The following USP34 variants were observed in gnomAD, a reference collection of about 807,000 sequenced individuals.
The protein encoded by USP34 is ubiquitin specific peptidase 34.
Under a neutral mutation model 460.3 loss-of-function variants are expected in USP34, and 70 were observed. The ratio of observed to expected loss-of-function variants is 0.15; its 90% CI spans 0.13 to 0.19. The LOEUF is 0.19. Among genes scored for constraint, USP34 ranks in the 10% least tolerant of loss-of-function variants. USP34 has a pLI of 1.00. For missense variants in USP34, 3,985 were observed against 4,236.2 expected, an observed-to-expected ratio of 0.94 and a Z score of 1.65; for synonymous variants, 1,647 against 1,405.3, an observed-to-expected ratio of 1.17 and a Z score of -3.85.
intron 16 of USP34, among the ~76,000 whole-genome samples, chr2:61,342,324 G>A (rs1222778028): frequency 7.3e-5 from 8 of 109,696 alleles, no homozygotes; most frequent in South Asian, 3.4e-4. Flanking sequence ...TTTTTAAGAC[G>A]GAGTCTCACT....
chr2:61,289,877 T>C (rs1180167998), intron 33 of USP34, among the ~76,000 whole-genome samples: 2 of 152,134 alleles, frequency 1.3e-5, no homozygotes, highest in African/African-American at 4.8e-5. Context: ...GTACAAATAT[T>C]TGTAGACTGG....
intron 8 of USP34, among the ~76,000 whole-genome samples, chr2:61,376,418 A>G (rs944902410): frequency 1.3e-5 from 2 of 152,148 alleles, no homozygotes; most frequent in Non-Finnish European, 2.9e-5. Flanking sequence ...TGCATTTGTT[A>G]TTGGAATTCC....
At chr2:61,238,033 T>C (rs896181175) in intron 53 of USP34, among the ~76,000 whole-genome samples, 1 of 151,812 alleles carries the variant, frequency 6.6e-6, no homozygotes, top group Non-Finnish European at 1.5e-5. Flanking sequence ...GTAGCTGGGA[T>C]TACAGGTGCC....
At chr2:61,388,720 C>A (rs1034346100) in intron 5 of USP34, among the ~76,000 whole-genome samples, 1 of 151,806 alleles carries the variant, frequency 6.6e-6, no homozygotes, top group African/African-American at 2.4e-5. Context: ...CACGCCACTG[C>A]ACTCCAGCCT....
At chr2:61,339,061 C>T (rs1691511182) in intron 18 of USP34, among the ~76,000 whole-genome samples, 1 of 152,152 alleles carries the variant, frequency 6.6e-6, no homozygotes, top group South Asian at 2.1e-4. Context: ...ACAGAGTAAT[C>T]ACCAAGGTGT....
At position 61,405,836 on chromosome 2, in the gene USP34, T is replaced by C. The variant is rs755546866; in HGVS notation, c.424A>G (p.Ser142Gly). The part of the protein sequence containing the change: ...CNLTEEESSK[S>G]SDPFSLWSTD... ...CTCCATAAACTAAAAGGATCAGAAC[T>C]CTTTGAAGATTCCTCCTCAGTCAGA... Residue 142 changes from serine to glycine, a missense_variant, in exon 3 of 80, where the codon AGT becomes GGT. This residue lies in a region of USP34 where 331 missense variants were observed against 293.7 expected (regional missense o/e 1.13). Transcript: ENST00000398571. The C allele has an allele frequency of 3.1e-6, 5 of 1,613,866 alleles. No homozygotes were observed. Among genetic ancestry groups the C allele is most frequent in the Non-Finnish European group, 4.2e-6 (5 of 1,179,938 alleles).
rs113451756 is a variant in USP34 at position 61,194,937 on chromosome 2, G to A, written c.9509-1957C>T. ...CATTGCACTCCAGCCTGGACAACAA[G>A]AGTGAAACTCTGTCAAAAAAAAAAA... On this transcript the variant is annotated intron_variant, in intron 75 of 79. Transcript: ENST00000398571. Among the ~76,000 whole-genome samples the A allele has an allele frequency of 1.2e-3, 165 of 137,732 alleles. 2 individuals carry two copies. Among genetic ancestry groups the A allele is most frequent in the African/African-American group, 4.4e-3 (157 of 36,058 alleles). 90.4% of individuals were successfully genotyped at this position (137,732 alleles called of 152,430 possible).
At chr2:61,268,090 C>CTACTCATA in intron 41 of USP34, among the ~76,000 whole-genome samples, 1 of 152,054 alleles carries the variant, frequency 6.6e-6, no homozygotes, top group Non-Finnish European at 1.5e-5. Flanking sequence ...CAGAAAGAAC[C>CTACTCATA]TACTCATATA....
intron 16 of USP34, among the ~76,000 whole-genome samples, chr2:61,341,198 A>T (rs1263152928): frequency 1.3e-5 from 2 of 152,190 alleles, no homozygotes; most frequent in African/African-American, 2.4e-5. Flanking sequence ...GATGAGCAAA[A>T]TTCCACTATG....
intron 42 of USP34, 74 bp from the exon 43 acceptor site, chr2:61,265,631 C>A: frequency 7.0e-7 from 1 of 1,422,668 alleles, no homozygotes; most frequent in South Asian, 1.6e-5. Context: ...CTTACATTAA[C>A]AGCCTCTACC....
rs1430091863 is a variant in USP34, at chr2:61,368,441, A to G, written c.1251+1880T>C. 3.3e-5 allele frequency among the ~76,000 whole-genome samples: 5 copies of G among 152,154 alleles called. No homozygotes were observed. The East Asian group carries it at 5.8e-4, about 18-fold the overall frequency. On this transcript the variant is annotated intron_variant, in intron 10 of 79. Coordinates refer to ENST00000398571, the MANE Select transcript of USP34 (RefSeq NM_014709.4). ...AGCAAGACTCCATCTCAAAAAAAAA[A>G]AAGAAGAATGGGCATGTCTGTGTAG...
chr2:61,383,707 G>A (rs942515225), intron 5 of USP34, among the ~76,000 whole-genome samples: 3 of 152,134 alleles, frequency 2.0e-5, no homozygotes, highest in Admixed American at 1.3e-4. Flanking sequence ...GCAACGGAGC[G>A]AGACTCCGTC....
intron 38 of USP34, among the ~76,000 whole-genome samples, chr2:61,280,714 A>T (rs1018882276): frequency 2.0e-5 from 3 of 152,158 alleles, no homozygotes; most frequent in Non-Finnish European, 4.4e-5. Flanking sequence ...CTAGGGTAGG[A>T]AATAAAATTT....
intron 2 of USP34, among the ~76,000 whole-genome samples, chr2:61,415,507 C>A (rs984111494): frequency 1.3e-5 from 2 of 152,098 alleles, no homozygotes; most frequent in Non-Finnish European, 2.9e-5. Flanking sequence ...AGAATGAAAT[C>A]CTTATATATC....
chr2:61,187,677 G>A lies in USP34; in HGVS notation c.*425C>T. The A allele has an allele frequency of 1.8e-6, 1 of 543,274 alleles. No individual in the cohort carries two copies. The highest frequency in any genetic ancestry group is 2.4e-6 in the Non-Finnish European group (1 of 423,438). 33.7% of individuals were successfully genotyped at this position (543,274 alleles called of 1,614,324 possible). The stretch of plus-strand genomic sequence containing the variant: ...TTTCTTGTGGTTGTTCCGTATACAA[G>A]TAAACTTAATTTTGATAATAAGAAC... On this transcript the variant is annotated 3_prime_UTR_variant, in exon 80 of 80. Coordinates refer to ENST00000398571, the MANE Select transcript of USP34 (RefSeq NM_014709.4).
In USP34 at chr2:61,189,087, G is replaced by A. The variant is rs755606236; in HGVS notation, c.9874-18C>T. The A allele has an allele frequency of 5.0e-6, 8 of 1,598,690 alleles. No individual in the cohort carries two copies. The highest frequency in any genetic ancestry group is 4.5e-5 in the South Asian group (4 of 88,018). Reference sequence around the variant, plus strand: ...CTCAGGTCCTACAAAAACCCAGATAGGAACATTTCAAATTCTAAAGCCAAC... The same window carrying A: ...CTCAGGTCCTACAAAAACCCAGATAAGAACATTTCAAATTCTAAAGCCAAC... On this transcript the variant is annotated intron_variant, in intron 78 of 79. Transcript: ENST00000398571.
intron 67 of USP34, 100 bp downstream of exon 67, chr2:61,220,210 G>T: frequency 1.7e-5 from 8 of 482,846 alleles, no homozygotes; most frequent in Non-Finnish European, 2.6e-5. Context: ...GAATTTCGTA[G>T]TATACAACAA....
At chr2:61,447,254 CAAAAAAAAAAAA>C (rs763711140) in intron 1 of USP34, among the ~76,000 whole-genome samples, 1,325 of 59,766 alleles carry the variant, frequency 0.022, 27 homozygotes, top group African/African-American at 0.071. Context: ...AACTGTCTTC[CAAAAAAAAAAAA>C]AAAAAAAAAA....
intron 1 of USP34, among the ~76,000 whole-genome samples, chr2:61,467,548 G>A (rs1038221902): frequency 6.6e-6 from 1 of 151,304 alleles, no homozygotes; most frequent in African/African-American, 2.4e-5. Flanking sequence ...TCTCTCAGCT[G>A]GCTAAACTGT....
Sources: gnomAD v4.1 joint callset for allele counts (sites outside exome capture counted in the v4.1 genomes callset) on GRCh38, gnomAD v4.1.1 for gene constraint, gnomAD v4.1.1 regional missense constraint, MANE v1.5 for transcripts, NCBI Gene and HGNC (gene_info 2026-07-23, HGNC 2026-07-21) for gene names.